Variants in SCMH1 observed in about 807,000 individuals in gnomAD.
The protein encoded by SCMH1 is polycomb protein SCMH1.
Under a neutral mutation model 70.8 loss-of-function variants are expected in SCMH1, and 37 were observed. The observed-to-expected ratio is 0.52, with a 90% CI of 0.40 to 0.69. The LOEUF is 0.69. SCMH1 is among the 30% of genes least tolerant of loss of function. The pLI, the probability that SCMH1 is intolerant of heterozygous loss-of-function variation, is 0.00. For missense variants in SCMH1, 607 were observed against 827.3 expected, an observed-to-expected ratio of 0.73 and a Z score of 3.27; for synonymous variants, 292 against 307.4, an observed-to-expected ratio of 0.95 and a Z score of 0.52.
chr1:41,135,946 CT>C lies in SCMH1; in HGVS notation c.412+6931del, dbSNP rs904347707. On this transcript the variant is annotated intron_variant, in intron 6 of 14. Coordinates refer to ENST00000337495, the Ensembl canonical transcript of SCMH1. ...TTCCTTGAAAACTTTTGTATATTTT[CT>C]TTTTTTTTTTTTTTGAGACAGGATC... Among the ~76,000 whole-genome samples the C allele has an allele frequency of 2.9e-3, 402 of 139,772 alleles. 1 individual carries two copies. The highest frequency in any genetic ancestry group is 4.6e-3 in the South Asian group (20 of 4,342). 91.7% of individuals were successfully genotyped at this position (139,772 alleles called of 152,430 possible).
At chr1:41,058,221 A>G (rs1455292409) in intron 10 of SCMH1, among the ~76,000 whole-genome samples, 1 of 151,992 alleles carries the variant, frequency 6.6e-6, no homozygotes, top group Non-Finnish European at 1.5e-5. Context: ...GCATTTGAGC[A>G]TGATAACTGA....
intron 6 of SCMH1, among the ~76,000 whole-genome samples, chr1:41,121,509 C>A (rs1044674576): frequency 6.6e-6 from 1 of 152,140 alleles, no homozygotes; most frequent in Non-Finnish European, 1.5e-5. Context: ...AATTAGGCAA[C>A]GACCTAGGCT....
At chr1:41,055,311 C>T (rs1481408836) in intron 10 of SCMH1, among the ~76,000 whole-genome samples, 1 of 152,014 alleles carries the variant, frequency 6.6e-6, no homozygotes, top group East Asian at 1.9e-4. Flanking sequence ...AATACTGGAC[C>T]TAATTAAGGA....
intron 2 of SCMH1, among the ~76,000 whole-genome samples, chr1:41,170,539 T>G (rs761259684): frequency 6.6e-6 from 1 of 152,200 alleles, no homozygotes; most frequent in Non-Finnish European, 1.5e-5. Context: ...TCTGCCACAT[T>G]GCTGACCCTA....
intron 8 of SCMH1, among the ~76,000 whole-genome samples, chr1:41,089,692 G>A (rs548774512): frequency 1.3e-4 from 20 of 150,880 alleles, no homozygotes; most frequent in African/African-American, 4.6e-4. Flanking sequence ...TCCTTATGCT[G>A]AACTTTGGAG....
In SCMH1 at chr1:41,187,130, C is replaced by T. The variant is rs1400333506; in HGVS notation, c.-117-880G>A. 2.6e-5 allele frequency among the ~76,000 whole-genome samples: 4 copies of T among 152,148 alleles called. No individual in the cohort carries two copies. The East Asian group carries it at 7.7e-4, about 29-fold the overall frequency. On this transcript the variant is annotated intron_variant, in intron 1 of 14. Coordinates refer to ENST00000337495, the Ensembl canonical transcript of SCMH1. ...AATTTTACCCTGATCTGAATCTCCTCTATTTTGCCTTAATGTTTATTTTCC... is the reference window on the plus strand; with the variant it reads ...AATTTTACCCTGATCTGAATCTCCTTTATTTTGCCTTAATGTTTATTTTCC...
intron 1 of SCMH1, among the ~76,000 whole-genome samples, chr1:41,204,768 T>C (rs1388135310): frequency 6.6e-6 from 1 of 152,190 alleles, no homozygotes; most frequent in Non-Finnish European, 1.5e-5. Flanking sequence ...ATTTTCCATA[T>C]CTATTTATTT....
chr1:41,222,587 T>C (rs890036140), intron 1 of SCMH1, among the ~76,000 whole-genome samples: 1 of 152,066 alleles, frequency 6.6e-6, no homozygotes, highest in Non-Finnish European at 1.5e-5. Context: ...AAGGGGAAGA[T>C]GGCATTATGC....
intron 1 of SCMH1, among the ~76,000 whole-genome samples, chr1:41,199,331 G>T (rs1653748789): frequency 6.6e-6 from 1 of 152,104 alleles, no homozygotes; most frequent in Non-Finnish European, 1.5e-5. Context: ...AGTAGCCATT[G>T]TCTTGACTTC....
chr1:41,146,695 G>C (rs1392524455), intron 5 of SCMH1, among the ~76,000 whole-genome samples: 2 of 152,198 alleles, frequency 1.3e-5, no homozygotes, highest in Non-Finnish European at 2.9e-5. Flanking sequence ...GTGTGTAGTA[G>C]GCTATAGCAT....
At chr1:41,082,207 T>A (rs1660235579) in intron 8 of SCMH1, among the ~76,000 whole-genome samples, 1 of 152,038 alleles carries the variant, frequency 6.6e-6, no homozygotes, top group Non-Finnish European at 1.5e-5. Flanking sequence ...AAAATATTTC[T>A]CTTAATCAAA....
chr1:41,096,485 C>T (rs1665103649), intron 8 of SCMH1, among the ~76,000 whole-genome samples: 1 of 152,174 alleles, frequency 6.6e-6, no homozygotes, highest in South Asian at 2.1e-4. Context: ...AGAGATCAGT[C>T]CGGCACTGGC....
At position 41,102,050 on chromosome 1, in the gene SCMH1, T is replaced by C. The variant is rs892005081; in HGVS notation, c.745+11233A>G. 7.9e-5 allele frequency among the ~76,000 whole-genome samples: 12 copies of C among 152,190 alleles called. 1 individual carries two copies. Among genetic ancestry groups the C allele is most frequent in the African/African-American group, 2.9e-4 (12 of 41,446 alleles). ...CTTCTAGGTTTCTCTAAATAATCCT[T>C]AGGAGTCTTAACTGCCCAAAAGAAT... On this transcript the variant is annotated intron_variant, in intron 8 of 14. Coordinates refer to ENST00000337495, the Ensembl canonical transcript of SCMH1.
chr1:41,052,587 C>T lies in SCMH1; in HGVS notation c.1106-3697G>A, dbSNP rs371964088. 3.9e-5 allele frequency among the ~76,000 whole-genome samples: 6 copies of T among 152,214 alleles called. No individual in the cohort carries two copies. In the East Asian group the frequency reaches 5.8e-4, roughly 15 times the overall value. Reference sequence around the variant, plus strand: ...TGATGCATTTCTCTGATCATATCCCCGTGATTAAGTAATACGTGAGTGTAT... The same window carrying T: ...TGATGCATTTCTCTGATCATATCCCTGTGATTAAGTAATACGTGAGTGTAT... On this transcript the variant is annotated intron_variant, in intron 10 of 14. Transcript: ENST00000337495.
intron 13 of SCMH1, among the ~76,000 whole-genome samples, chr1:41,034,322 CT>C (rs949806174): frequency 6.6e-6 from 1 of 151,468 alleles, no homozygotes; most frequent in Non-Finnish European, 1.5e-5. Context: ...GACTTTTTTT[CT>C]TTTCTTTTCT....
At chr1:41,123,663 T>A (rs1672484028) in intron 6 of SCMH1, among the ~76,000 whole-genome samples, 1 of 152,142 alleles carries the variant, frequency 6.6e-6, no homozygotes, top group Admixed American at 6.5e-5. Context: ...GAAGAAACAA[T>A]CACAGTATTA....
At chr1:41,063,428 G>A (rs564326646) in intron 10 of SCMH1, among the ~76,000 whole-genome samples, 19 of 152,076 alleles carry the variant, frequency 1.2e-4, no homozygotes, top group African/African-American at 4.1e-4. Context: ...AGCTGAGATC[G>A]CACCACTGCA....
chr1:41,093,701 G>C (rs928891148), intron 8 of SCMH1, among the ~76,000 whole-genome samples: 2 of 152,100 alleles, frequency 1.3e-5, no homozygotes, highest in Non-Finnish European at 2.9e-5. Context: ...GAGTTATACA[G>C]ATTTCCCAAA....
At chr1:41,195,131 C>CAAAAAA (rs35569635) in intron 1 of SCMH1, among the ~76,000 whole-genome samples, 2 of 26,244 alleles carry the variant, frequency 7.6e-5, no homozygotes, top group Non-Finnish European at 1.3e-4. Flanking sequence ...AACTCTCTCT[C>CAAAAAA]AAAAAAAAAA....
Sources: allele counts gnomAD v4.1 joint callset (sites outside exome capture counted in the v4.1 genomes callset), GRCh38; gene constraint gnomAD v4.1.1; transcripts MANE v1.5; gene names NCBI Gene and HGNC (gene_info 2026-07-23, HGNC 2026-07-21).